GRID1: variants seen among roughly 807,000 people sequenced by gnomAD.
GRID1 encodes the protein glutamate ionotropic receptor delta type subunit 1, also known as glutamate receptor ionotropic, delta-1.
A neutral mutation model predicts 98.0 loss-of-function variants in GRID1; 28 were observed. That is an observed-to-expected ratio of 0.29 (90% CI 0.21 to 0.39). GRID1 has a LOEUF of 0.39. GRID1 is among the 10% of genes least tolerant of loss of function. The pLI is 1.00. For synonymous variants in GRID1, 553 were observed against 538.5 expected, an observed-to-expected ratio of 1.03 and a Z score of -0.37; for missense variants, 1,111 against 1,340.5, an observed-to-expected ratio of 0.83 and a Z score of 2.67.
chr10:86,338,739 G>A (rs1006176046), intron 2 of GRID1, among the ~76,000 whole-genome samples: 1 of 152,126 alleles, frequency 6.6e-6, no homozygotes, highest in Non-Finnish European at 1.5e-5. Context: ...TGTGTTTTTA[G>A]TAGAGACAGG....
intron 3 of GRID1, among the ~76,000 whole-genome samples, chr10:86,170,489 C>T (rs1845468073): frequency 6.6e-6 from 1 of 152,246 alleles, no homozygotes; most frequent in African/African-American, 2.4e-5. Context: ...CAGGAGAGGG[C>T]AATGCCCTGT....
chr10:86,328,578 A>G (rs1201753990), intron 2 of GRID1, among the ~76,000 whole-genome samples: 1 of 152,120 alleles, frequency 6.6e-6, no homozygotes, highest in Non-Finnish European at 1.5e-5. Context: ...GCATGTCCTC[A>G]TTTTTCCGTG....
At chr10:86,032,056 T>A (rs1843192623) in intron 4 of GRID1, among the ~76,000 whole-genome samples, 1 of 152,198 alleles carries the variant, frequency 6.6e-6, no homozygotes, top group South Asian at 2.1e-4. Flanking sequence ...TTCACCATAT[T>A]TATATCTATG....
At chr10:86,175,721 T>C (rs1005005502) in intron 3 of GRID1, among the ~76,000 whole-genome samples, 4 of 152,058 alleles carry the variant, frequency 2.6e-5, no homozygotes, top group Admixed American at 6.6e-5. Context: ...CTATTTTTTT[T>C]TTTTTGAGAC....
At chr10:86,176,907 C>T (rs573165275) in intron 3 of GRID1, among the ~76,000 whole-genome samples, 7 of 151,994 alleles carry the variant, frequency 4.6e-5, no homozygotes, top group African/African-American at 9.7e-5. Flanking sequence ...TCTCAGTGGC[C>T]GTGGCAAAAG....
At chr10:85,768,824 T>C (rs1842224716) in intron 8 of GRID1, among the ~76,000 whole-genome samples, 1 of 152,232 alleles carries the variant, frequency 6.6e-6, no homozygotes. Flanking sequence ...GGAGGCAACT[T>C]GGCAATATTT....
intron 13 of GRID1, among the ~76,000 whole-genome samples, chr10:85,641,111 T>C (rs189256837): frequency 2.6e-5 from 4 of 152,346 alleles, no homozygotes; most frequent in Non-Finnish European, 4.4e-5. Flanking sequence ...GTCTGATTTA[T>C]GGAAAGGCTT....
chr10:85,715,549 G>T (rs1286301714), intron 12 of GRID1, among the ~76,000 whole-genome samples: 1 of 151,964 alleles, frequency 6.6e-6, no homozygotes, highest in Non-Finnish European at 1.5e-5. Flanking sequence ...AATGGGCAAG[G>T]ACCTGAATAG....
chr10:85,931,355 C>G (rs2131832699), intron 4 of GRID1, among the ~76,000 whole-genome samples: 1 of 152,284 alleles, frequency 6.6e-6, no homozygotes, highest in Admixed American at 6.5e-5. Context: ...TCCTTTAACT[C>G]TGAAATATTT....
intron 4 of GRID1, among the ~76,000 whole-genome samples, chr10:86,126,974 G>T (rs1471626134): frequency 6.6e-6 from 1 of 152,228 alleles, no homozygotes; most frequent in Admixed American, 6.5e-5. Context: ...CCAAAGGGTG[G>T]CTTTAGCCAT....
At chr10:86,064,881 A>T (rs1311118964) in intron 4 of GRID1, among the ~76,000 whole-genome samples, 1 of 152,238 alleles carries the variant, frequency 6.6e-6, no homozygotes, top group Non-Finnish European at 1.5e-5. Flanking sequence ...CTCGCTGGCC[A>T]CATGAAGCCT....
chr10:86,230,025 AAGG>A (rs1564712947), intron 2 of GRID1, among the ~76,000 whole-genome samples: 1 of 152,184 alleles, frequency 6.6e-6, no homozygotes, highest in African/African-American at 2.4e-5. Flanking sequence ...TTGGTAAGTG[AAGG>A]AGTAACAGCC....
rs577316862 is a variant in GRID1, at chr10:86,242,959, C to T, written c.236-36311G>A. On this transcript the variant is annotated intron_variant, in intron 2 of 15. Transcript: ENST00000327946. ...GCCCCACCTGCCTCACCAAATTCCC[C>T]ACCTCCAGCAGGCCTACGCTGGGCC... Among the ~76,000 whole-genome samples, 204 of 152,324 alleles carry T rather than the reference C, an allele frequency of 1.3e-3. 9 individuals carry two copies. The South Asian group carries it at 0.041, about 31-fold the overall frequency.
chr10:86,284,931 C>T (rs1046087342), intron 2 of GRID1, among the ~76,000 whole-genome samples: 5 of 152,174 alleles, frequency 3.3e-5, no homozygotes, highest in South Asian at 4.1e-4. Context: ...AGCCTTGTCA[C>T]CTCTCGAGCC....
chr10:86,264,288 C>A (rs1299066954), intron 2 of GRID1, among the ~76,000 whole-genome samples: 2 of 152,192 alleles, frequency 1.3e-5, no homozygotes, highest in Non-Finnish European at 2.9e-5. Context: ...TTGTTCTTTC[C>A]TATCATCCTC....
intron 8 of GRID1, among the ~76,000 whole-genome samples, chr10:85,839,191 T>C (rs1186227881): frequency 6.6e-6 from 1 of 152,108 alleles, no homozygotes; most frequent in Non-Finnish European, 1.5e-5. Flanking sequence ...CACACAATAA[T>C]AGTGGGAGAC....
At chr10:85,851,213 C>T (rs1218760163) in intron 8 of GRID1, among the ~76,000 whole-genome samples, 1 of 152,092 alleles carries the variant, frequency 6.6e-6, no homozygotes, top group African/African-American at 2.4e-5. Flanking sequence ...CATATACCAC[C>T]CCCCACCCCC....
chr10:85,671,219 C>A (rs561225764), intron 12 of GRID1, among the ~76,000 whole-genome samples: 2 of 152,182 alleles, frequency 1.3e-5, no homozygotes, highest in Non-Finnish European at 2.9e-5. Flanking sequence ...AGGCTTGCCA[C>A]CTTTTACTGC....
chr10:86,222,018 G>T (rs1846262480), intron 2 of GRID1, among the ~76,000 whole-genome samples: 1 of 152,156 alleles, frequency 6.6e-6, no homozygotes, highest in Non-Finnish European at 1.5e-5. Context: ...GCTAAAGCAT[G>T]GGGGGAAGAA....
Sources: gnomAD v4.1 joint callset for allele counts (sites outside exome capture counted in the v4.1 genomes callset) on GRCh38, gnomAD v4.1.1 for gene constraint, MANE v1.5 for transcripts, NCBI Gene and HGNC (gene_info 2026-07-23, HGNC 2026-07-21) for gene names.